The following CDH4 variants were observed in gnomAD, a reference collection of about 807,000 sequenced individuals.
CDH4 encodes cadherin 4.
A neutral mutation model predicts 86.0 loss-of-function variants in CDH4; 33 were observed. That is an observed-to-expected ratio of 0.38 (90% confidence interval 0.29 to 0.51). CDH4 has a LOEUF of 0.51. CDH4 is among the 20% of genes least tolerant of loss of function. CDH4 has a pLI of 0.86. For synonymous variants in CDH4, 555 were observed against 549.4 expected, an observed-to-expected ratio of 1.01 and a Z score of -0.14; for missense variants, 1,114 against 1,307.4, an observed-to-expected ratio of 0.85 and a Z score of 2.28.
chr20:61,807,017 A>G lies in CDH4; in HGVS notation c.576+33835A>G, dbSNP rs1286086417. 6.6e-6 allele frequency among the ~76,000 whole-genome samples: 1 copy of G among 152,182 alleles called. No individual in the cohort carries two copies. Among genetic ancestry groups the G allele is most frequent in the Non-Finnish European group, 1.5e-5 (1 of 68,034 alleles). ...CAGGGGATCTTTTTTTAACTACTACAAAGCCCTCTAATAATGGGTTGCTAA... is the reference window on the plus strand; with the variant it reads ...CAGGGGATCTTTTTTTAACTACTACGAAGCCCTCTAATAATGGGTTGCTAA... On this transcript the variant is annotated intron_variant, in intron 4 of 15. Transcript: ENST00000614565. This position sits in a 1 kb window ranked among gnomAD's most constrained non-coding sequence, Gnocchi z 4.5.
At chr20:61,267,426 C>A (rs1166265231) in intron 2 of CDH4, among the ~76,000 whole-genome samples, 1 of 152,150 alleles carries the variant, frequency 6.6e-6, no homozygotes, top group Non-Finnish European at 1.5e-5. Context: ...CCGAATGTAA[C>A]CAGCATCTCA....
chr20:61,608,827 G>A (rs889491796), intron 2 of CDH4, among the ~76,000 whole-genome samples: 1 of 152,160 alleles, frequency 6.6e-6, no homozygotes, highest in Non-Finnish European at 1.5e-5. Context: ...AACGCGGGGT[G>A]GTGAGCACGA....
rs2085152885 is a variant in CDH4, at chr20:61,417,410, G to A, written c.169+162473G>A. Among the ~76,000 whole-genome samples the A allele has an allele frequency of 6.6e-6, 1 of 151,944 alleles. No homozygotes were observed. Among genetic ancestry groups the A allele is most frequent in the African/African-American group, 2.4e-5 (1 of 41,336 alleles). ...CTGCTGAGGTCACCTATTCCACCTT[G>A]AGCCAGCTGTGGGGTGTGGGGCCCG... On this transcript the variant is annotated intron_variant, in intron 2 of 15. Transcript: ENST00000614565. The surrounding 1 kb of genome is among the most constrained non-coding windows in gnomAD (Gnocchi z 4.0).
At position 61,417,448 on chromosome 20, in the gene CDH4, T is replaced by A. The variant is rs2085153093; in HGVS notation, c.169+162511T>A. Among the ~76,000 whole-genome samples, 2 of 152,168 alleles carry A rather than the reference T, an allele frequency of 1.3e-5. No homozygotes were observed. The highest frequency in any genetic ancestry group is 2.9e-5 in the Non-Finnish European group (2 of 68,032). Reference sequence around the variant, plus strand: ...GGTGTGGGGCCCGAGTGCCAGCTGTTTCCTCTAAAAATATCACCCACGTGA... The same window carrying A: ...GGTGTGGGGCCCGAGTGCCAGCTGTATCCTCTAAAAATATCACCCACGTGA... On this transcript the variant is annotated intron_variant, in intron 2 of 15. Coordinates refer to ENST00000614565, the MANE Select transcript of CDH4 (RefSeq NM_001794.5). This position sits in a 1 kb window ranked among gnomAD's most constrained non-coding sequence, Gnocchi z 4.0.
intron 11 of CDH4, among the ~76,000 whole-genome samples, chr20:61,925,218 G>A (rs1216182819): frequency 6.6e-6 from 1 of 152,192 alleles, no homozygotes; most frequent in African/African-American, 2.4e-5. Context: ...ACATGGGCCA[G>A]CATCTCAAGA....
chr20:61,560,830 A>G (rs1203088222), intron 2 of CDH4, among the ~76,000 whole-genome samples: 1 of 152,196 alleles, frequency 6.6e-6, no homozygotes, highest in Middle Eastern at 3.2e-3. Context: ...TGGCCTTCGC[A>G]GCGGGAGCTC....
At chr20:61,682,315 A>G (rs2087524321) in intron 2 of CDH4, among the ~76,000 whole-genome samples, 1 of 149,360 alleles carries the variant, frequency 6.7e-6, no homozygotes, top group Non-Finnish European at 1.5e-5. Context: ...GACAGATGGA[A>G]GGAGAGAGGG....
At chr20:61,859,825 T>G in intron 6 of CDH4, among the ~76,000 whole-genome samples, 1 of 152,268 alleles carries the variant, frequency 6.6e-6, no homozygotes, top group Non-Finnish European at 1.5e-5. Context: ...TCGTGGACAG[T>G]GTGAGGTGGT....
intron 2 of CDH4, among the ~76,000 whole-genome samples, chr20:61,734,698 C>T (rs945100420): frequency 5.9e-5 from 9 of 152,230 alleles, no homozygotes; most frequent in African/African-American, 2.2e-4. Context: ...TCCAAGGCCC[C>T]TCCCAGCCTG....
chr20:61,321,732 G>A (rs920582565), intron 2 of CDH4, among the ~76,000 whole-genome samples: 3 of 152,150 alleles, frequency 2.0e-5, no homozygotes, highest in African/African-American at 7.2e-5. Context: ...CCTGGGAGAT[G>A]CTGCGTGCCA....
chr20:61,370,782 A>G (rs992173400), intron 2 of CDH4: 12 of 152,206 alleles, frequency 7.9e-5, no homozygotes, highest in African/African-American at 2.9e-4. Flanking sequence ...AGAGTACACA[A>G]ATGACTATAT....
Position 61,594,185 on chromosome 20 carries a change from G to A in CDH4, c.170-149378G>A, listed in dbSNP as rs529162547. On this transcript the variant is annotated intron_variant, in intron 2 of 15. Coordinates refer to ENST00000614565, the MANE Select transcript of CDH4 (RefSeq NM_001794.5). ...GGAAAGAGGGGGGAAAGGGGGTGGG[G>A]GACTGACCTGAGCAGGGGAAAGGGG... is the stretch of plus-strand genomic sequence containing the variant. Among the ~76,000 whole-genome samples the A allele has an allele frequency of 9.8e-5, 11 of 111,906 alleles. No individual in the cohort carries two copies. In the South Asian group the frequency reaches 2.4e-3, roughly 24 times the overall value. The allele number at this position is 111,906 out of a possible 152,430, so 73.4% of individuals were successfully genotyped here.
intron 5 of CDH4, 82 bp from the exon 6 acceptor site, chr20:61,852,672 C>G (rs988965853): frequency 2.0e-6 from 3 of 1,470,712 alleles, no homozygotes; most frequent in African/African-American, 1.4e-5. Flanking sequence ...GTCTCCTACC[C>G]CAGCACCGCG....
At chr20:61,626,121 A>G (rs1217921900) in intron 2 of CDH4, among the ~76,000 whole-genome samples, 1 of 152,190 alleles carries the variant, frequency 6.6e-6, no homozygotes. Context: ...GTAGCAGGGA[A>G]CAGAAGAGAC....
rs73917935 is a variant in CDH4, at chr20:61,520,725, C to T, written c.170-222838C>T. On this transcript the variant is annotated intron_variant, in intron 2 of 15. Transcript: ENST00000614565. ...GAGGGAAGCGGTAAATCAGAGTGCA[C>T]GCCAAGGCTTCCAGGCCCCGGATCC... Among the ~76,000 whole-genome samples, 389 of 152,276 alleles carry T rather than the reference C, an allele frequency of 2.6e-3. 3 individuals are homozygous for T. The highest frequency in any genetic ancestry group is 8.4e-3 in the African/African-American group (351 of 41,544).
intron 2 of CDH4, among the ~76,000 whole-genome samples, chr20:61,640,077 G>T (rs989690411): frequency 6.6e-6 from 1 of 152,242 alleles, no homozygotes. Context: ...GCTTCCCCAT[G>T]AAGCTCCACA....
intron 2 of CDH4, among the ~76,000 whole-genome samples, chr20:61,741,788 C>T (rs1326249306): frequency 6.6e-6 from 1 of 152,136 alleles, no homozygotes; most frequent in Non-Finnish European, 1.5e-5. Flanking sequence ...GCCACCACGC[C>T]CAGCCTCCCA....
chr20:61,456,567 T>C (rs1256328991), intron 2 of CDH4, among the ~76,000 whole-genome samples: 4 of 152,164 alleles, frequency 2.6e-5, no homozygotes, highest in African/African-American at 9.7e-5. Context: ...ACCCACGTGG[T>C]TGAAAGTGCT....
intron 2 of CDH4, among the ~76,000 whole-genome samples, chr20:61,386,127 T>G (rs2084949633): frequency 6.6e-6 from 1 of 152,160 alleles, no homozygotes; most frequent in Non-Finnish European, 1.5e-5. Flanking sequence ...GGGGTGAAGT[T>G]GACCCCTGTC....
Sources: allele counts gnomAD v4.1 joint callset (sites outside exome capture counted in the v4.1 genomes callset), GRCh38; gene constraint gnomAD v4.1.1; non-coding constraint Gnocchi (gnomAD v3.1); transcripts MANE v1.5; gene names NCBI Gene and HGNC (gene_info 2026-07-23, HGNC 2026-07-21).